Variants in TTC39B observed in about 807,000 individuals in gnomAD.
TTC39B encodes tetratricopeptide repeat protein 39B.
In TTC39B, 92 loss-of-function variants were observed where a neutral mutation model predicts 96.6. The ratio of observed to expected loss-of-function variants is 0.95; its 90% confidence interval spans 0.80 to 1.13. The LOEUF is 1.13. Among genes scored for constraint, TTC39B ranks in the 50% most tolerant of loss-of-function variants. The pLI, the probability that TTC39B is intolerant of heterozygous loss-of-function variation, is 0.00. For missense variants in TTC39B, 955 were observed against 809.3 expected, an observed-to-expected ratio of 1.18 and a Z score of -2.18; for synonymous variants, 367 against 299.4, an observed-to-expected ratio of 1.23 and a Z score of -2.33.
chr9:15,228,828 A>G (rs940740762), intron 2 of TTC39B, among the ~76,000 whole-genome samples: 10 of 152,358 alleles, frequency 6.6e-5, no homozygotes, highest in African/African-American at 2.4e-4. Context: ...TTTACCTGGC[A>G]CAACAGACTT....
chr9:15,168,125 G>C (rs1817561615), exon 20 of TTC39B: 1 of 152,232 alleles, frequency 6.6e-6, no homozygotes, highest in African/African-American at 2.4e-5. Context: ...AAGAAGTGCA[G>C]CACGTATGAG....
At chr9:15,231,308 C>T (rs577160707) in intron 2 of TTC39B, among the ~76,000 whole-genome samples, 4 of 152,072 alleles carry the variant, frequency 2.6e-5, no homozygotes, top group African/African-American at 9.7e-5. Flanking sequence ...CCACCATGCC[C>T]GGCCAGCTAT....
intron 6 of TTC39B, among the ~76,000 whole-genome samples, chr9:15,208,799 T>C (rs1213394638): frequency 6.6e-6 from 1 of 152,120 alleles, no homozygotes; most frequent in Non-Finnish European, 1.5e-5. Flanking sequence ...GTCTCATAAT[T>C]CCTCTCCTAT....
At chr9:15,289,039 T>C (rs481274) in intron 1 of TTC39B, among the ~76,000 whole-genome samples, 2,407 of 152,350 alleles carry the variant, frequency 0.016, 68 homozygotes, top group African/African-American at 0.055. Flanking sequence ...ATTATCCTTA[T>C]TTTTGTGAAT....
At chr9:15,177,390 T>A (rs527400074) in intron 18 of TTC39B, among the ~76,000 whole-genome samples, 1 of 152,084 alleles carries the variant, frequency 6.6e-6, no homozygotes, top group South Asian at 2.1e-4. Context: ...AACAAAAAAA[T>A]TAATGAGTAG....
intron 2 of TTC39B, chr9:15,250,150 T>A: frequency 8.2e-7 from 1 of 1,214,528 alleles, no homozygotes; most frequent in Non-Finnish European, 1.0e-6. Context: ...TCCCAGGGCT[T>A]TCCAGGGCAG....
chr9:15,177,627 A>C (rs1818011474), intron 18 of TTC39B, 70 bp downstream of exon 18: 1 of 1,034,300 alleles, frequency 9.7e-7, no homozygotes, highest in Middle Eastern at 2.1e-4. Context: ...AGCATTTTGC[A>C]TCACTTTCTC....
intron 6 of TTC39B, among the ~76,000 whole-genome samples, chr9:15,205,250 C>T (rs776719881): frequency 3.2e-4 from 48 of 152,326 alleles, no homozygotes; most frequent in African/African-American, 7.9e-4. Context: ...CGTGTCACTG[C>T]TTTTTGGTAA....
At chr9:15,170,937 A>T (rs960016066) in exon 20 of TTC39B, 2 of 152,248 alleles carry the variant, frequency 1.3e-5, no homozygotes, top group Non-Finnish European at 2.9e-5. Flanking sequence ...CTTGAAAGTC[A>T]TCTGTTCTTT....
chr9:15,226,454 T>C (rs1211614049), intron 2 of TTC39B, among the ~76,000 whole-genome samples: 2 of 152,218 alleles, frequency 1.3e-5, no homozygotes, highest in African/African-American at 4.8e-5. Context: ...TGCTTTATCA[T>C]AGCATCTGCA....
intron 6 of TTC39B, among the ~76,000 whole-genome samples, chr9:15,208,352 A>G (rs1284009200): frequency 2.0e-5 from 3 of 152,018 alleles, no homozygotes; most frequent in Non-Finnish European, 4.4e-5. Context: ...TACTCATACA[A>G]AAAATACCAT....
rs982476139 is a variant in TTC39B at position 15,220,988 on chromosome 9, C to T, written c.371+4929G>A. Among the ~76,000 whole-genome samples the T allele has an allele frequency of 7.2e-5, 11 of 152,266 alleles. No individual in the cohort carries two copies. The East Asian group carries it at 9.6e-4, about 13-fold the overall frequency. ...GGCAAGAAAACCACAGCAGTGATGC[C>T]GAGTTCTCAGTGCATGATATCAGGG... On this transcript the variant is annotated intron_variant, in intron 3 of 19. Transcript: ENST00000512701.
intron 2 of TTC39B, among the ~76,000 whole-genome samples, chr9:15,262,872 T>C (rs1371216280): frequency 6.6e-6 from 1 of 152,140 alleles, no homozygotes; most frequent in African/African-American, 2.4e-5. Context: ...GATCAAAATA[T>C]ATGGTTCAGT....
chr9:15,185,226 G>T, intron 16 of TTC39B, 54 bp downstream of exon 16: 1 of 1,558,342 alleles, frequency 6.4e-7, no homozygotes, highest in Non-Finnish European at 8.6e-7. Flanking sequence ...GCTCCCTGCT[G>T]CTGTGAGTAG....
chr9:15,258,375 A>G (rs933692490), intron 2 of TTC39B, among the ~76,000 whole-genome samples: 2 of 152,198 alleles, frequency 1.3e-5, no homozygotes, highest in African/African-American at 4.8e-5. Context: ...TGGTGGGTGG[A>G]GACATTTACA....
chr9:15,250,959 A>T (rs1165243438), intron 2 of TTC39B, among the ~76,000 whole-genome samples: 1 of 152,134 alleles, frequency 6.6e-6, no homozygotes, highest in Non-Finnish European at 1.5e-5. Flanking sequence ...GCACTTAGGG[A>T]GGCTGAGGGG....
exon 20 of TTC39B, chr9:15,165,888 C>A (rs1449995148): frequency 6.6e-6 from 1 of 152,194 alleles, no homozygotes; most frequent in Non-Finnish European, 1.5e-5. Context: ...CACAGCACTT[C>A]AAAATAATAC....
intron 2 of TTC39B, among the ~76,000 whole-genome samples, chr9:15,250,995 A>G (rs552505654): frequency 3.3e-5 from 5 of 152,020 alleles, no homozygotes; most frequent in African/African-American, 1.2e-4. Context: ...CAGGAGTTCC[A>G]CACCAGCCTG....
chr9:15,194,023 G>A (rs1819008894), intron 8 of TTC39B, among the ~76,000 whole-genome samples: 1 of 152,178 alleles, frequency 6.6e-6, no homozygotes, highest in East Asian at 1.9e-4. Flanking sequence ...AGAAATGTGA[G>A]TAAAGGCCAT....
Sources: gnomAD v4.1 joint callset for allele counts (sites outside exome capture counted in the v4.1 genomes callset) on GRCh38, gnomAD v4.1.1 for gene constraint, MANE v1.5 for transcripts, NCBI Gene and HGNC (gene_info 2026-07-23, HGNC 2026-07-21) for gene names.